Variants in DUXB observed in about 807,000 individuals in gnomAD.
DUXB encodes the protein double homeobox protein B.
Under a neutral mutation model 8.9 loss-of-function variants are expected in DUXB, and 22 were observed. The ratio of observed to expected loss-of-function variants is 2.46; its 90% CI spans 1.76 to 3.52. The LOEUF (loss-of-function observed/expected upper bound fraction) is 3.52, where lower values mean the gene tolerates loss of function less well. Among genes scored for constraint, DUXB ranks in the 30% most tolerant of loss-of-function variants. DUXB has a pLI of 0.00. For synonymous variants in DUXB, 84 were observed against 37.6 expected, an observed-to-expected ratio of 2.23 and a Z score of -4.52; for missense variants, 237 against 108.7, an observed-to-expected ratio of 2.18 and a Z score of -5.25.
chr16:75,694,489 T>C lies in DUXB; in HGVS notation c.478A>G (p.Lys160Glu). The change falls in exon 5 of 5, where the codon AAG becomes GAG. Residue 160 changes from lysine to glutamate, a missense_variant. Lys to Glu is a moderately conservative substitution (Grantham distance 56). Coordinates refer to ENST00000633875, the MANE Select transcript of DUXB (RefSeq NM_001351307.2). ...AAATTCATGGGCTCCATTCTGCTCT[T>C]CTTGAGGTACAGAGATCTTTGTTTC... The part of the protein sequence containing the change: ...FQKQRSLYLK[K>E]SRMEPMNLLV... The C allele has an allele frequency of 1.4e-6, 1 of 703,168 alleles. No homozygotes were observed. The highest frequency in any genetic ancestry group is 2.7e-5 in the East Asian group (1 of 37,292). The allele number at this position is 703,168 out of a possible 1,614,324, so 43.6% of individuals were successfully genotyped here. A position where few individuals can be genotyped will look rare whatever the true frequency, so the allele number is the denominator to read the frequency against.
At position 75,699,725 on chromosome 16, in the gene DUXB, A is replaced by ATT. The variant is rs547243089; in HGVS notation, c.180+288_180+289dup. On this transcript the variant is annotated intron_variant, in intron 2 of 4. Coordinates refer to ENST00000633875, the MANE Select transcript of DUXB (RefSeq NM_001351307.2). ...AGGCGACTGCCACCACGCCCGGCTA[A>ATT]TTTTTTTTTGTATTTTTAGTAGAGA... Among the ~76,000 whole-genome samples, 9 of 150,770 alleles carry ATT rather than the reference A, an allele frequency of 6.0e-5. No individual in the cohort carries two copies. In the East Asian group the frequency reaches 1.8e-3, roughly 29 times the overall value.
At chr16:75,697,084 G>T (rs2082614092) in intron 2 of DUXB, 141 bp from the exon 3 acceptor site, 3 of 602,250 alleles carry the variant, frequency 5.0e-6, no homozygotes, top group Non-Finnish European at 8.9e-6. Flanking sequence ...CATTATCCTA[G>T]GAATGATGCT....
rs1415798106 is a variant in DUXB, at chr16:75,696,054, C to A, written c.348G>T (p.Arg116Ser). The A allele has an allele frequency of 1.4e-6, 1 of 702,864 alleles. No individual in the cohort carries two copies. Among genetic ancestry groups the A allele is most frequent in the Non-Finnish European group, 2.6e-6 (1 of 385,012 alleles). 43.5% of individuals were successfully genotyped at this position (702,864 alleles called of 1,614,324 possible). A position where few individuals can be genotyped will look rare whatever the true frequency, so the allele number is the denominator to read the frequency against. The change falls in exon 4 of 5, where the codon AGG becomes AGT. Residue 116 changes from arginine (R) to serine (S), a missense_variant. By Grantham distance (110) the Arg-to-Ser change is moderately radical (BLOSUM62 -1). Coordinates refer to ENST00000633875, the MANE Select transcript of DUXB (RefSeq NM_001351307.2). ...GGTTCCTCTCAAAGGCTTGCACTAGCCTGTTTTTTTGAGTCCATGTGATGA... is the reference window on the plus strand; with the variant it reads ...GGTTCCTCTCAAAGGCTTGCACTAGACTGTTTTTTTGAGTCCATGTGATGA... ...QTFITWTQKN[R>S]LVQAFERNPF... is the part of the protein sequence containing the mutation.
At chr16:75,696,612 C>G (rs2082609452) in intron 3 of DUXB, among the ~76,000 whole-genome samples, 1 of 152,152 alleles carries the variant, frequency 6.6e-6, no homozygotes, top group Admixed American at 6.6e-5. Flanking sequence ...AAGAACCTGA[C>G]TGTCTCATTC....
Position 75,696,833 on chromosome 16 carries a change from C to G in DUXB, c.286+5G>C, listed in dbSNP as rs1270726251. 1.4e-6 allele frequency: 1 copy of G among 702,302 alleles called. No individual in the cohort carries two copies. Among genetic ancestry groups the G allele is most frequent in the East Asian group, 2.7e-5 (1 of 37,280 alleles). 43.5% of individuals were successfully genotyped at this position (702,302 alleles called of 1,614,324 possible). A position where few individuals can be genotyped will look rare whatever the true frequency, so the allele number is the denominator to read the frequency against. ...CTCTCAATGGGACCCATTGAGCATT[C>G]TTACCTTGAGTCAGATGCTGGGACT... On this transcript the variant is annotated splice_donor_5th_base_variant and intron_variant, in intron 3 of 4. Coordinates refer to ENST00000633875, the MANE Select transcript of DUXB (RefSeq NM_001351307.2).
rs775232635 is a variant in DUXB at position 75,694,380 on chromosome 16, T to C, written c.587A>G (p.His196Arg). 1.5e-6 allele frequency: 1 copy of C among 676,474 alleles called. No individual in the cohort carries two copies. Among genetic ancestry groups the C allele is most frequent in the Non-Finnish European group, 2.7e-6 (1 of 376,068 alleles). The allele number at this position is 676,474 out of a possible 1,614,324, so 41.9% of individuals were successfully genotyped here. Residue 196 changes from histidine to arginine, a missense_variant, in exon 5 of 5, where the codon CAT becomes CGT. His to Arg is a conservative substitution (Grantham distance 29). Coordinates refer to ENST00000633875, the MANE Select transcript of DUXB (RefSeq NM_001351307.2). Reference sequence around the variant, plus strand: ...GGAAGAATGTGAGCAAGAAAAATAATGAGAGCTGTCTGTGGGGAGGAACAG... The same window carrying C: ...GGAAGAATGTGAGCAAGAAAAATAACGAGAGCTGTCTGTGGGGAGGAACAG... ...INLFLPTDSS[H>R]YFSCSHSSSG...
At chr16:75,697,359 C>T (rs1439066253) in intron 2 of DUXB, among the ~76,000 whole-genome samples, 7 of 152,110 alleles carry the variant, frequency 4.6e-5, no homozygotes. Context: ...GAATTAATTG[C>T]ACAAAAATTT....
chr16:75,698,381 T>G (rs1473578255), intron 2 of DUXB: 1 of 152,236 alleles, frequency 6.6e-6, no homozygotes, highest in South Asian at 2.1e-4. Context: ...TTATAGCCAA[T>G]GGCTTGTTGG....
rs187019178 is a variant in DUXB at position 75,699,124 on chromosome 16, G to A, written c.180+891C>T. 2.6e-5 allele frequency among the ~76,000 whole-genome samples: 4 copies of A among 152,304 alleles called. No homozygotes were observed. The East Asian group carries it at 7.7e-4, about 29-fold the overall frequency. The stretch of plus-strand genomic sequence containing the variant: ...GCCTCTGAAAATGTTGGGATTACAG[G>A]TGTGGGTCACCCTACCCAGTCCAGG... On this transcript the variant is annotated intron_variant, in intron 2 of 4. Transcript: ENST00000633875.
At chr16:75,697,539 G>C (rs2082618537) in intron 2 of DUXB, among the ~76,000 whole-genome samples, 2 of 152,090 alleles carry the variant, frequency 1.3e-5, no homozygotes, top group Admixed American at 1.3e-4. Context: ...TGAACTCTTT[G>C]CTTGTTTCCT....
At chr16:75,700,758 C>T (rs929974304) in intron 1 of DUXB, among the ~76,000 whole-genome samples, 5 of 152,002 alleles carry the variant, frequency 3.3e-5, no homozygotes, top group African/African-American at 1.2e-4. Context: ...CTGCCCACCT[C>T]GGCCTCCCAA....
intron 3 of DUXB, among the ~76,000 whole-genome samples, chr16:75,696,557 CAAAAATA>C: frequency 6.6e-6 from 1 of 151,980 alleles, no homozygotes; most frequent in East Asian, 1.9e-4. Flanking sequence ...AAACAAAATA[CAAAAATA>C]AAAAATAAAA....
rs1323306182 is a variant in DUXB, at chr16:75,694,249, TG to T, written c.717del (p.Thr240HisfsTer14). On this transcript the variant is annotated frameshift_variant, in exon 5 of 5. Coordinates refer to ENST00000633875, the MANE Select transcript of DUXB (RefSeq NM_001351307.2). LOFTEE classifies it low-confidence loss of function (END_TRUNC). ...TTCTCTCCTTCCTGCACAGCCTGTGTGGGCTGCATGATCATGACATTTGGTC... is the reference window on the plus strand; with the variant it reads ...TTCTCTCCTTCCTGCACAGCCTGTGTGGCTGCATGATCATGACATTTGGTC... ...SQGPNVMIMQ[P>X]TQAVQEGEKS... 15 of 580,944 alleles carry T rather than the reference TG, an allele frequency of 2.6e-5. No individual in the cohort carries two copies. The highest frequency in any genetic ancestry group is 9.1e-6 in the Non-Finnish European group (3 of 330,260). The allele number at this position is 580,944 out of a possible 1,614,324, so 36.0% of individuals were successfully genotyped here.
intron 4 of DUXB, among the ~76,000 whole-genome samples, chr16:75,695,213 A>G (rs1474320438): frequency 6.6e-6 from 1 of 152,334 alleles, no homozygotes; most frequent in African/African-American, 2.4e-5. Flanking sequence ...GGTGAGTTGA[A>G]TCTCTGACTG....
intron 3 of DUXB, among the ~76,000 whole-genome samples, chr16:75,696,339 G>A (rs554083134): frequency 1.3e-5 from 2 of 152,190 alleles, no homozygotes; most frequent in Non-Finnish European, 2.9e-5. Flanking sequence ...ATCACTTGAG[G>A]TTGGGAGTTC....
chr16:75,696,254 A>G (rs373107167), intron 3 of DUXB, 139 bp from the exon 4 acceptor site: 36 of 613,388 alleles, frequency 5.9e-5, no homozygotes, highest in East Asian at 4.9e-4. Context: ...CAGCAGGACC[A>G]AAAAGCCCAG....
rs1206097693 is a variant in DUXB at position 75,700,148 on chromosome 16, C to T, written c.47G>A (p.Trp16Ter). 1.3e-5 allele frequency: 9 copies of T among 701,928 alleles called. 1 individual carries two copies. The highest frequency in any genetic ancestry group is 1.2e-4 in the Admixed American group (6 of 49,860). The allele number at this position is 701,928 out of a possible 1,614,324, so 43.5% of individuals were successfully genotyped here. A position where few individuals can be genotyped will look rare whatever the true frequency, so the allele number is the denominator to read the frequency against. ...TSGGILQKEF[W>*]RNRIQYNQSQ... ...CTGGTTATACTGAATTCTGTTTCTCCAGAATTCTTTTTGAAGTATGCCTGA... is the reference window on the plus strand; with the variant it reads ...CTGGTTATACTGAATTCTGTTTCTCTAGAATTCTTTTTGAAGTATGCCTGA... Residue 16 changes from tryptophan (W) to a stop codon, truncating the protein, a stop_gained, in exon 2 of 5, where the codon TGG becomes TAG. Coordinates refer to ENST00000633875, the MANE Select transcript of DUXB (RefSeq NM_001351307.2). LOFTEE classifies it high-confidence loss of function.
At chr16:75,696,353 G>A (rs1475142768) in intron 3 of DUXB, among the ~76,000 whole-genome samples, 1 of 152,064 alleles carries the variant, frequency 6.6e-6, no homozygotes, top group East Asian at 1.9e-4. Context: ...GGAGTTCGAG[G>A]CCAGCCTGGC....
At chr16:75,700,315 A>G in intron 1 of DUXB, 146 bp from the exon 2 acceptor site, 1 of 503,298 alleles carries the variant, frequency 2.0e-6, no homozygotes, top group Non-Finnish European at 3.5e-6. Flanking sequence ...GGTCAATGCG[A>G]CCTCCGCTCC....
Sources: gnomAD v4.1 joint callset for allele counts (sites outside exome capture counted in the v4.1 genomes callset) on GRCh38, gnomAD v4.1.1 for gene constraint, MANE v1.5 for transcripts, NCBI Gene and HGNC (gene_info 2026-07-23, HGNC 2026-07-21) for gene names.